The following TENM2 variants were observed in gnomAD, a reference collection of about 807,000 sequenced individuals.
TENM2 encodes the protein teneurin-2.
A neutral mutation model predicts 245.2 loss-of-function variants in TENM2; 52 were observed. The ratio of observed to expected loss-of-function variants is 0.21; its 90% CI spans 0.17 to 0.27. TENM2 has a LOEUF of 0.27. Ranked by LOEUF, TENM2 falls within the 10% of genes least tolerant of loss-of-function variation. TENM2 has a pLI of 1.00. For synonymous variants in TENM2, 1,363 were observed against 1,438.9 expected (o/e 0.95, Z 1.19); for missense variants, 3,046 against 3,666.8 (o/e 0.83, Z 4.37).
In TENM2 at chr5:167,640,860, C is replaced by CATATATATATATAT. The variant is rs58985992; in HGVS notation, c.503-235093_503-235080dup. On this transcript the variant is annotated intron_variant, in intron 2 of 28. Coordinates refer to ENST00000518659, the Ensembl canonical transcript of TENM2. ...ATATATCCATATATATATATATATC[C>CATATATATATATAT]ATATATATATATATATATATATATA... Among the ~76,000 whole-genome samples, 76 of 47,382 alleles carry CATATATATATATAT rather than the reference C, an allele frequency of 1.6e-3. 2 individuals are homozygous for CATATATATATATAT. Among genetic ancestry groups the CATATATATATATAT allele is most frequent in the Non-Finnish European group, 3.1e-3 (48 of 15,552 alleles). The allele number at this position is 47,382 out of a possible 152,430, so 31.1% of individuals were successfully genotyped here.
the TENM2 span, among the ~76,000 whole-genome samples, chr5:167,156,014 T>C: frequency 6.6e-6 from 1 of 152,244 alleles, no homozygotes; most frequent in South Asian, 2.1e-4. Flanking sequence ...GACTTTCAGA[T>C]GTCTTGTTAG....
At chr5:167,835,286 A>G (rs1488539681) in intron 2 of TENM2, among the ~76,000 whole-genome samples, 1 of 152,224 alleles carries the variant, frequency 6.6e-6, no homozygotes, top group East Asian at 1.9e-4. Flanking sequence ...GAATTCATTT[A>G]TCTTTGCTTC....
chr5:167,828,889 C>T (rs192260908), intron 2 of TENM2, among the ~76,000 whole-genome samples: 1 of 152,256 alleles, frequency 6.6e-6, no homozygotes, highest in African/African-American at 2.4e-5. Flanking sequence ...AGAGGAAGAA[C>T]CACAGGCTCA....
the TENM2 span, among the ~76,000 whole-genome samples, chr5:167,055,314 A>G: frequency 6.6e-6 from 1 of 151,990 alleles, no homozygotes; most frequent in South Asian, 2.1e-4. Flanking sequence ...GCTCCATTGT[A>G]TTGCTTTTGC....
At chr5:167,368,986 C>T (rs1034239819) in intron 1 of TENM2, among the ~76,000 whole-genome samples, 1 of 152,084 alleles carries the variant, frequency 6.6e-6, no homozygotes. Context: ...CTGGTCTCCA[C>T]GGACAACACT....
chr5:167,452,931 T>TTATATATATATA (rs1554157697), intron 2 of TENM2, among the ~76,000 whole-genome samples: 1 of 4,870 alleles, frequency 2.1e-4, no homozygotes, highest in Non-Finnish European at 7.1e-4. Flanking sequence ...AAAGTATGAT[T>TTATATATATATA]TATATATATA....
At chr5:167,747,423 G>A (rs760655736) in intron 2 of TENM2, among the ~76,000 whole-genome samples, 4 of 152,134 alleles carry the variant, frequency 2.6e-5, no homozygotes, top group Non-Finnish European at 5.9e-5. Flanking sequence ...CCAAGTTTGT[G>A]ATAACATATC....
chr5:168,086,561 GCGGC>G (rs1327095003), intron 7 of TENM2, among the ~76,000 whole-genome samples: 14 of 152,170 alleles, frequency 9.2e-5, no homozygotes, highest in African/African-American at 3.4e-4. Context: ...AGAGACACAA[GCGGC>G]TTTGGGAGGC....
intron 2 of TENM2, among the ~76,000 whole-genome samples, chr5:167,776,188 C>CACACACAA (rs1328178637): frequency 1.3e-5 from 2 of 150,042 alleles, no homozygotes. Context: ...CACACACACA[C>CACACACAA]ACAGAAGAGA....
intron 2 of TENM2, among the ~76,000 whole-genome samples, chr5:167,809,928 A>G (rs1425215766): frequency 6.6e-6 from 1 of 152,190 alleles, no homozygotes; most frequent in Non-Finnish European, 1.5e-5. Flanking sequence ...GCGCCATGCC[A>G]GGTCCTTGCT....
intron 3 of TENM2, among the ~76,000 whole-genome samples, chr5:167,923,987 C>T (rs1008054104): frequency 3.3e-5 from 5 of 152,088 alleles, no homozygotes; most frequent in African/African-American, 7.2e-5. Flanking sequence ...CAATTGTGCC[C>T]GTGGTGTGAG....
chr5:167,727,649 C>T (rs1760120926), intron 2 of TENM2, among the ~76,000 whole-genome samples: 1 of 152,222 alleles, frequency 6.6e-6, no homozygotes, highest in African/African-American at 2.4e-5. Context: ...ATTTTGTGTG[C>T]ACACATTGTG....
chr5:167,043,288 C>A, the TENM2 span, among the ~76,000 whole-genome samples: 1 of 152,120 alleles, frequency 6.6e-6, no homozygotes, highest in East Asian at 1.9e-4. Flanking sequence ...GTGAGGTAGA[C>A]AGACTTGTAT....
At chr5:167,205,012 T>C in the TENM2 span, among the ~76,000 whole-genome samples, 3 of 152,200 alleles carry the variant, frequency 2.0e-5, no homozygotes, top group Non-Finnish European at 4.4e-5. Context: ...TGTGCCCCAC[T>C]GGTTTAGTGT....
intron 2 of TENM2, among the ~76,000 whole-genome samples, chr5:167,796,029 A>G (rs1765289505): frequency 6.6e-6 from 1 of 152,174 alleles, no homozygotes; most frequent in Non-Finnish European, 1.5e-5. Context: ...AAGAAGTAGG[A>G]GACTATGGAT....
the TENM2 span, among the ~76,000 whole-genome samples, chr5:167,041,415 C>T: frequency 6.6e-6 from 1 of 152,194 alleles, no homozygotes; most frequent in Non-Finnish European, 1.5e-5. Flanking sequence ...CTACTCTCCT[C>T]TGGACTTGAG....
chr5:168,156,863 A>C (rs1056382238), intron 12 of TENM2, among the ~76,000 whole-genome samples: 1 of 152,180 alleles, frequency 6.6e-6, no homozygotes, highest in Non-Finnish European at 1.5e-5. Flanking sequence ...AAGAGTAAAC[A>C]AACTAGACAT....
At chr5:167,009,196 G>C in the TENM2 span, among the ~76,000 whole-genome samples, 1 of 152,182 alleles carries the variant, frequency 6.6e-6, no homozygotes, top group African/African-American at 2.4e-5. Context: ...CGGATGTACA[G>C]GTGTGCATGT....
In TENM2 at chr5:167,850,848, T is replaced by C. The variant is rs74617367; in HGVS notation, c.503-25138T>C. On this transcript the variant is annotated intron_variant, in intron 2 of 28. Transcript: ENST00000518659. ...CAATTAGCTTGCAACGAGTTAATAG[T>C]AGCTCTGTAGTGCTGGATTCAGGGA... Among the ~76,000 whole-genome samples, 1,033 of 152,330 alleles carry C rather than the reference T, an allele frequency of 6.8e-3. 15 individuals carry two copies. Among genetic ancestry groups the C allele is most frequent in the Non-Finnish European group, 9.0e-3 (615 of 68,022 alleles).
Sources: allele counts gnomAD v4.1 joint callset (sites outside exome capture counted in the v4.1 genomes callset), GRCh38; gene constraint gnomAD v4.1.1; transcripts MANE v1.5; gene names NCBI Gene and HGNC (gene_info 2026-07-23, HGNC 2026-07-21).